Variants in TIAM2 observed in about 807,000 individuals in gnomAD.
TIAM2 encodes the protein TIAM Rac1 associated GEF 2, also known as rho guanine nucleotide exchange factor TIAM2.
A neutral mutation model predicts 152.9 loss-of-function variants in TIAM2; 80 were observed. The observed-to-expected ratio is 0.52, with a 90% CI of 0.44 to 0.63. TIAM2 has a LOEUF of 0.63. TIAM2 is among the 30% of genes least tolerant of loss of function. TIAM2 has a pLI of 0.00. For missense variants in TIAM2, 1,965 were observed against 2,120.1 expected (o/e 0.93, Z 1.44); for synonymous variants, 804 against 838.0 (o/e 0.96, Z 0.70).
chr6:155,175,982 G>T (rs1562342640), intron 9 of TIAM2, among the ~76,000 whole-genome samples: 2 of 152,298 alleles, frequency 1.3e-5, no homozygotes, highest in South Asian at 4.1e-4. Context: ...GATGAGTCAG[G>T]CTAAAATTAA....
chr6:155,234,936 C>G (rs549977922), intron 15 of TIAM2, among the ~76,000 whole-genome samples: 1 of 152,004 alleles, frequency 6.6e-6, no homozygotes, highest in East Asian at 1.9e-4. Flanking sequence ...TGCTAAATAC[C>G]TGGGAGTGGC....
intron 1 of TIAM2, among the ~76,000 whole-genome samples, chr6:155,036,889 A>T (rs1210995518): frequency 6.6e-6 from 1 of 152,090 alleles, no homozygotes; most frequent in East Asian, 1.9e-4. Context: ...AAGTGCTGGG[A>T]TTACAGGCAT....
At chr6:155,007,373 T>TTTTC (rs1236701998) in intron 1 of TIAM2, among the ~76,000 whole-genome samples, 1 of 151,292 alleles carries the variant, frequency 6.6e-6, no homozygotes, top group Admixed American at 6.6e-5. Flanking sequence ...CCATTTTTCT[T>TTTTC]TTTCTTTCTT....
intron 9 of TIAM2, among the ~76,000 whole-genome samples, chr6:155,175,477 T>G (rs2115126638): frequency 6.6e-6 from 1 of 152,312 alleles, no homozygotes; most frequent in South Asian, 2.1e-4. Context: ...GGTGACATTT[T>G]CTGGTATGTA....
At chr6:155,128,232 T>C (rs537979744) in intron 3 of TIAM2, among the ~76,000 whole-genome samples, 2 of 152,340 alleles carry the variant, frequency 1.3e-5, no homozygotes, top group South Asian at 2.1e-4. Flanking sequence ...ACCTGAAGTC[T>C]TTACAAAAGC....
chr6:155,177,396 C>G (rs1780783421), intron 10 of TIAM2, among the ~76,000 whole-genome samples: 1 of 152,170 alleles, frequency 6.6e-6, no homozygotes, highest in South Asian at 2.1e-4. Context: ...TTGATATATT[C>G]ACAGTTGCTT....
intron 7 of TIAM2, among the ~76,000 whole-genome samples, chr6:155,164,037 G>A (rs983607687): frequency 1.3e-5 from 2 of 149,572 alleles, no homozygotes; most frequent in Non-Finnish European, 3.0e-5. Flanking sequence ...TTGGCTCACT[G>A]CAACCTCCGC....
At chr6:155,144,843 A>G (rs1451472330) in intron 6 of TIAM2, 65 bp downstream of exon 6, 6 of 1,504,954 alleles carry the variant, frequency 4.0e-6, no homozygotes, top group African/African-American at 1.4e-5. Context: ...AAGGAACAGA[A>G]AAGGCAAAAC....
At chr6:155,036,220 T>C (rs1229483245) in intron 1 of TIAM2, among the ~76,000 whole-genome samples, 1 of 152,118 alleles carries the variant, frequency 6.6e-6, no homozygotes, top group Non-Finnish European at 1.5e-5. Flanking sequence ...CGTCATTTGT[T>C]CCTGGTTTCT....
intron 9 of TIAM2, among the ~76,000 whole-genome samples, chr6:155,175,881 A>G (rs1181875421): frequency 1.3e-5 from 2 of 152,220 alleles, no homozygotes; most frequent in African/African-American, 4.8e-5. Context: ...TGATTTTCCA[A>G]CAGTGTCTAT....
At chr6:155,234,223 T>C (rs1249271401) in intron 15 of TIAM2, among the ~76,000 whole-genome samples, 1 of 152,194 alleles carries the variant, frequency 6.6e-6, no homozygotes, top group Non-Finnish European at 1.5e-5. Context: ...GTGTTTTTTA[T>C]TCTGCATATG....
In TIAM2 at chr6:155,028,307, G is replaced by A. The variant is rs567479415; in HGVS notation, c.-209+32815G>A. On this transcript the variant is annotated intron_variant, in intron 1 of 26. Transcript: ENST00000682666. ...TGTGTTACATATATACTACATATATGTACTGTGTTACATATATACTACATA... is the reference window on the plus strand; with the variant it reads ...TGTGTTACATATATACTACATATATATACTGTGTTACATATATACTACATA... Among the ~76,000 whole-genome samples the A allele has an allele frequency of 1.1e-3, 98 of 86,992 alleles. 14 individuals are homozygous for A. Among genetic ancestry groups the A allele is most frequent in the African/African-American group, 4.2e-3 (76 of 18,190 alleles). 57.1% of individuals were successfully genotyped at this position (86,992 alleles called of 152,430 possible).
At chr6:155,210,215 A>T (rs1318265234) in intron 14 of TIAM2, among the ~76,000 whole-genome samples, 1 of 152,042 alleles carries the variant, frequency 6.6e-6, no homozygotes, top group Non-Finnish European at 1.5e-5. Flanking sequence ...CATATTATTT[A>T]AATTTTTTAA....
At chr6:155,246,069 GT>G (rs112578629) in intron 19 of TIAM2, among the ~76,000 whole-genome samples, 3,268 of 142,286 alleles carry the variant, frequency 0.023, 51 homozygotes, top group African/African-American at 0.028. Flanking sequence ...ATGCTATGGT[GT>G]TTTTTTTTTT....
intron 16 of TIAM2, among the ~76,000 whole-genome samples, chr6:155,241,059 C>T (rs1489086106): frequency 6.6e-6 from 1 of 152,202 alleles, no homozygotes; most frequent in African/African-American, 2.4e-5. Flanking sequence ...AACTTGGGAA[C>T]AATCTGTACA....
chr6:155,062,396 G>A (rs13212759), intron 1 of TIAM2, among the ~76,000 whole-genome samples: 77,980 of 151,652 alleles, frequency 0.51, 20,199 homozygotes, highest in East Asian at 0.63. Context: ...GTATGTTTTA[G>A]CTTTATAAGA....
chr6:155,256,614 C>G lies in TIAM2; in HGVS notation c.4599C>G (p.Pro1533=), dbSNP rs372668542. The G allele has an allele frequency of 6.2e-7, 1 of 1,613,994 alleles. No individual in the cohort carries two copies. Among genetic ancestry groups the G allele is most frequent in the Non-Finnish European group, 8.5e-7 (1 of 1,180,016 alleles). The change falls in exon 27 of 27, where the codon CCC becomes CCG. Residue 1533 remains proline, a synonymous_variant. Transcript: ENST00000682666. ...GCGGCACCCAGAGCAGCGGCTGCCC[C>G]ACGGCTGAGGGCAGGCAGGACTCCA... is the stretch of plus-strand genomic sequence containing the variant. ...LSSGTQSSGC[P]TAEGRQDSKS...
intron 2 of TIAM2, among the ~76,000 whole-genome samples, chr6:155,100,074 G>A (rs1266056663): frequency 6.6e-6 from 1 of 152,054 alleles, no homozygotes; most frequent in Non-Finnish European, 1.5e-5. Flanking sequence ...CTGTGATGCT[G>A]CACATGACTG....
At chr6:155,152,942 T>C (rs1286582406) in intron 7 of TIAM2, among the ~76,000 whole-genome samples, 1 of 152,160 alleles carries the variant, frequency 6.6e-6, no homozygotes, top group African/African-American at 2.4e-5. Context: ...ATTGATGACA[T>C]CATAGTTGGT....
Sources: allele counts gnomAD v4.1 joint callset (sites outside exome capture counted in the v4.1 genomes callset), GRCh38; gene constraint gnomAD v4.1.1; transcripts MANE v1.5; gene names NCBI Gene and HGNC (gene_info 2026-07-23, HGNC 2026-07-21).